PECR: variants seen among roughly 807,000 people sequenced by gnomAD.
PECR encodes the protein peroxisomal trans-2-enoyl-CoA reductase, also known as 2,4-dienoyl-CoA reductase-related protein.
Under a neutral mutation model 35.3 loss-of-function variants are expected in PECR, and 30 were observed. That is an observed-to-expected ratio of 0.85 (90% confidence interval 0.64 to 1.15). The LOEUF is 1.15. Among genes scored for constraint, PECR ranks in the 50% most tolerant of loss-of-function variants. The probability of loss-of-function intolerance (pLI) is 0.00; values close to 1 mark genes in which losing one functional copy is unlikely to be tolerated. For missense variants in PECR, 392 were observed against 370.8 expected (o/e 1.06, Z -0.47); for synonymous variants, 148 against 138.9 (o/e 1.07, Z -0.46).
At chr2:216,053,523 C>T (rs1402248980) in intron 4 of PECR, among the ~76,000 whole-genome samples, 3 of 152,232 alleles carry the variant, frequency 2.0e-5, no homozygotes, top group Admixed American at 1.3e-4. Context: ...GGATTACAGA[C>T]GTGAGCCACC....
At chr2:216,081,523 A>C (rs1374996090) in intron 1 of PECR, 95 bp downstream of exon 1, 22 of 1,495,432 alleles carry the variant, frequency 1.5e-5, no homozygotes, top group Non-Finnish European at 2.0e-5. Context: ...GCAGCTCCAC[A>C]CTCCCTCAGC....
At chr2:216,053,868 A>C (rs2105952560) in intron 4 of PECR, among the ~76,000 whole-genome samples, 1 of 152,336 alleles carries the variant, frequency 6.6e-6, no homozygotes, top group Admixed American at 6.5e-5. Flanking sequence ...AGAAATCAGC[A>C]AAAATATATA....
intron 7 of PECR, among the ~76,000 whole-genome samples, chr2:216,031,227 T>C (rs1419498431): frequency 1.3e-5 from 2 of 151,644 alleles, no homozygotes; most frequent in Admixed American, 1.3e-4. Flanking sequence ...GCCAACACGG[T>C]GAAACCTCAT....
chr2:216,031,124 A>G (rs1324629628), intron 7 of PECR, among the ~76,000 whole-genome samples: 1 of 152,088 alleles, frequency 6.6e-6, no homozygotes, highest in African/African-American at 2.4e-5. Flanking sequence ...AGAGTTGCAT[A>G]GGCCAGACAT....
At position 216,038,496 on chromosome 2, in the gene PECR, A is replaced by C. The variant is rs1397048586; in HGVS notation, c.*779T>G. 6.6e-6 allele frequency: 1 copy of C among 152,216 alleles called. No individual in the cohort carries two copies. Among genetic ancestry groups the C allele is most frequent in the East Asian group, 1.9e-4 (1 of 5,200 alleles). 9.4% of individuals were successfully genotyped at this position (152,216 alleles called of 1,614,324 possible). A position where few individuals can be genotyped will look rare whatever the true frequency, so the allele number is the denominator to read the frequency against. On this transcript the variant is annotated 3_prime_UTR_variant, in exon 8 of 8. Transcript: ENST00000265322. The stretch of plus-strand genomic sequence containing the variant: ...TTACCATAAGGCATTATTGCTCCTA[A>C]AGTATTTGCCACCAAAAATAAGTCA...
intron 1 of PECR, among the ~76,000 whole-genome samples, chr2:216,077,334 C>T (rs923521569): frequency 4.4e-5 from 6 of 134,886 alleles, no homozygotes; most frequent in Non-Finnish European, 4.7e-5. Flanking sequence ...GTGAAACCCC[C>T]GTCTCTACTA....
chr2:216,034,065 T>C (rs1232262444), downstream of PECR: 1 of 152,084 alleles, frequency 6.6e-6, no homozygotes, highest in Non-Finnish European at 1.5e-5. Flanking sequence ...GCAGAAGAAA[T>C]ACCAAAGGAA....
At chr2:216,064,882 C>T (rs577705036) in intron 3 of PECR, among the ~76,000 whole-genome samples, 1 of 152,242 alleles carries the variant, frequency 6.6e-6, no homozygotes, top group South Asian at 2.1e-4. Context: ...CGAAACATGA[C>T]CTTTAATCCA....
chr2:216,054,878 C>T lies in PECR; in HGVS notation c.507-3333G>A, dbSNP rs535117023. ...CTGTAATCCCAGCACTCTGGGAGGC[C>T]GAGGCAGGCGGATCACAAGGTCAGG... is the stretch of plus-strand genomic sequence containing the variant. On this transcript the variant is annotated intron_variant, in intron 4 of 7. Coordinates refer to ENST00000265322, the MANE Select transcript of PECR (RefSeq NM_018441.6). 1.1e-3 allele frequency among the ~76,000 whole-genome samples: 160 copies of T among 151,526 alleles called. 1 individual carries two copies. Among genetic ancestry groups the T allele is most frequent in the Non-Finnish European group, 1.3e-3 (89 of 67,836 alleles).
Position 216,039,245 on chromosome 2 carries a change from G to C in PECR, c.*30C>G, listed in dbSNP as rs772829722. 2 of 1,166,294 alleles carry C rather than the reference G, an allele frequency of 1.7e-6. No homozygotes were observed. The highest frequency in any genetic ancestry group is 2.6e-6 in the Non-Finnish European group (2 of 771,440). The allele number at this position is 1,166,294 out of a possible 1,614,324, so 72.2% of individuals were successfully genotyped here. A position where few individuals can be genotyped will look rare whatever the true frequency, so the allele number is the denominator to read the frequency against. On this transcript the variant is annotated 3_prime_UTR_variant, in exon 8 of 8. Transcript: ENST00000265322. ...CATATCCTCAAGATGTGAAGGCACT[G>C]GGGGATGGAGGACACCTTGTTTCCT...
chr2:216,055,103 CTG>C (rs1331036723), intron 4 of PECR, among the ~76,000 whole-genome samples: 1 of 128,550 alleles, frequency 7.8e-6, no homozygotes, highest in Non-Finnish European at 1.6e-5. Context: ...TAGAGCGAGA[CTG>C]TGTCTTACAA....
At chr2:216,080,450 T>C (rs1253391624) in intron 1 of PECR, among the ~76,000 whole-genome samples, 1 of 152,240 alleles carries the variant, frequency 6.6e-6, no homozygotes, top group Admixed American at 6.5e-5. Flanking sequence ...TATTGGATTT[T>C]TAGGTAATTT....
chr2:216,074,343 A>G (rs1232258756), intron 1 of PECR, among the ~76,000 whole-genome samples: 1 of 152,102 alleles, frequency 6.6e-6, no homozygotes, highest in Non-Finnish European at 1.5e-5. Flanking sequence ...GCTACTCAGG[A>G]GACTAAGCCA....
chr2:216,031,528 AAAG>A (rs1380144920), intron 7 of PECR, among the ~76,000 whole-genome samples: 3 of 149,528 alleles, frequency 2.0e-5, no homozygotes, highest in Non-Finnish European at 1.5e-5. Flanking sequence ...AGGGAAAAGA[AAAG>A]AAAGAAGGAA....
Position 216,033,074 on chromosome 2 carries a change from T to C in PECR, c.*440+6117A>G, listed in dbSNP as rs571736549. The C allele has an allele frequency of 2.0e-5, 3 of 152,330 alleles. No individual in the cohort carries two copies. In the South Asian group the frequency reaches 6.2e-4, roughly 32 times the overall value. 9.4% of individuals were successfully genotyped at this position (152,330 alleles called of 1,614,324 possible). A position where few individuals can be genotyped will look rare whatever the true frequency, so the allele number is the denominator to read the frequency against. On this transcript the variant is annotated intron_variant and NMD_transcript_variant, in intron 7 of 7. Coordinates refer to the PECR transcript ENST00000442122. ...CATTTTAAACCTTTACACCTTTTAG[T>C]TGGGGAACTTCTAAACTTACCCAAG...
At chr2:216,079,964 A>G (rs954469320) in intron 1 of PECR, among the ~76,000 whole-genome samples, 1 of 148,064 alleles carries the variant, frequency 6.8e-6, no homozygotes, top group African/African-American at 2.5e-5. Flanking sequence ...CTGGGCAACA[A>G]GAGCGAAACT....
chr2:216,036,054 G>A (rs890976335), downstream of PECR, among the ~76,000 whole-genome samples: 4 of 152,210 alleles, frequency 2.6e-5, no homozygotes, highest in African/African-American at 9.7e-5. Flanking sequence ...CTATCTGGGG[G>A]CTATAGAAAG....
intron 1 of PECR, among the ~76,000 whole-genome samples, chr2:216,080,515 C>A (rs1040684551): frequency 6.6e-6 from 1 of 152,078 alleles, no homozygotes; most frequent in Non-Finnish European, 1.5e-5. Context: ...TGCTTGACTC[C>A]GTTTCCTTAA....
chr2:216,039,467 C>G (rs1451047272), intron 7 of PECR, 107 bp from the exon 8 acceptor site: 1 of 754,108 alleles, frequency 1.3e-6, no homozygotes, highest in African/African-American at 1.7e-5. Flanking sequence ...TTTCTCAGCA[C>G]CAAAAAATAA....
Sources: gnomAD v4.1 joint callset for allele counts (sites outside exome capture counted in the v4.1 genomes callset) on GRCh38, gnomAD v4.1.1 for gene constraint, MANE v1.5 for transcripts, NCBI Gene and HGNC (gene_info 2026-07-23, HGNC 2026-07-21) for gene names.